CDH4: variants seen among roughly 807,000 people sequenced by gnomAD.
CDH4 encodes the protein cadherin-4.
CDH4 carries 33 observed loss-of-function variants against 86.0 expected under a neutral mutation model. The observed-to-expected ratio is 0.38, with a 90% CI of 0.29 to 0.51. The LOEUF (loss-of-function observed/expected upper bound fraction) is 0.51. Among genes scored for constraint, CDH4 ranks in the 20% least tolerant of loss-of-function variants. The pLI is 0.86. For missense variants in CDH4, 1,114 were observed against 1,307.4 expected, an observed-to-expected ratio of 0.85 and a Z score of 2.28; for synonymous variants, 555 against 549.4, an observed-to-expected ratio of 1.01 and a Z score of -0.14.
intron 2 of CDH4, among the ~76,000 whole-genome samples, chr20:61,534,400 A>G (rs2085978479): frequency 3.9e-5 from 6 of 152,190 alleles, no homozygotes; most frequent in Admixed American, 3.9e-4. Context: ...GCTGGTTTCC[A>G]TGACTATGCA....
chr20:61,645,421 G>A (rs535164938), intron 2 of CDH4, among the ~76,000 whole-genome samples: 2 of 152,238 alleles, frequency 1.3e-5, no homozygotes, highest in African/African-American at 4.8e-5. Flanking sequence ...GAGCCCAGGA[G>A]TTTGAAACCA....
intron 2 of CDH4, among the ~76,000 whole-genome samples, chr20:61,399,933 C>T (rs35172717): frequency 6.6e-6 from 1 of 152,188 alleles, no homozygotes; most frequent in Non-Finnish European, 1.5e-5. Flanking sequence ...GGCAACCAAC[C>T]CCCTGGACAG....
At chr20:61,612,821 G>A (rs926333672) in intron 2 of CDH4, among the ~76,000 whole-genome samples, 1 of 152,088 alleles carries the variant, frequency 6.6e-6, no homozygotes, top group Admixed American at 6.5e-5. Flanking sequence ...CTTGGCTTTG[G>A]CATTTGGTGT....
intron 2 of CDH4, among the ~76,000 whole-genome samples, chr20:61,351,200 A>G (rs1230791607): frequency 6.6e-6 from 1 of 151,810 alleles, no homozygotes; most frequent in East Asian, 1.9e-4. Context: ...CAGATCAGAA[A>G]TATTCGGAGG....
At chr20:61,500,167 C>T (rs1647144328) in intron 2 of CDH4, among the ~76,000 whole-genome samples, 1 of 152,168 alleles carries the variant, frequency 6.6e-6, no homozygotes, top group Non-Finnish European at 1.5e-5. Flanking sequence ...TCCCGTGTGT[C>T]AGTAACATGT....
intron 2 of CDH4, among the ~76,000 whole-genome samples, chr20:61,472,194 C>G (rs895259964): frequency 6.6e-6 from 1 of 152,068 alleles, no homozygotes; most frequent in African/African-American, 2.4e-5. Flanking sequence ...CCTTGTTGGG[C>G]GCATATGTAT....
chr20:61,587,712 G>A (rs1440676379), intron 2 of CDH4, among the ~76,000 whole-genome samples: 4 of 152,092 alleles, frequency 2.6e-5, no homozygotes, highest in African/African-American at 4.8e-5. Context: ...AAAGGCGGAC[G>A]GCCTTACAGT....
chr20:61,764,906 G>A (rs927378192), intron 3 of CDH4, among the ~76,000 whole-genome samples: 2 of 152,170 alleles, frequency 1.3e-5, no homozygotes, highest in African/African-American at 2.4e-5. Context: ...TGCTGCTGCC[G>A]CCTCCGTAAA....
At chr20:61,814,012 C>G (rs1980580007) in intron 4 of CDH4, among the ~76,000 whole-genome samples, 1 of 152,212 alleles carries the variant, frequency 6.6e-6, no homozygotes, top group African/African-American at 2.4e-5. Flanking sequence ...CATCCCCATT[C>G]CTGAGAATGC....
chr20:61,495,346 G>A (rs951091060), intron 2 of CDH4, among the ~76,000 whole-genome samples: 2 of 152,180 alleles, frequency 1.3e-5, no homozygotes, highest in South Asian at 2.1e-4. Flanking sequence ...CGAACCCCCA[G>A]GAGGAGCTGT....
chr20:61,345,913 G>A (rs536041660), intron 2 of CDH4, among the ~76,000 whole-genome samples: 4 of 152,274 alleles, frequency 2.6e-5, no homozygotes, highest in African/African-American at 7.2e-5. Context: ...TCTTCTATTC[G>A]ATCAATGTTT....
intron 2 of CDH4, among the ~76,000 whole-genome samples, chr20:61,595,271 G>A (rs575809839): frequency 2.6e-4 from 40 of 152,368 alleles, no homozygotes; most frequent in African/African-American, 8.9e-4. Flanking sequence ...TGTGACCTGT[G>A]GGCGGGAAGG....
In CDH4 at chr20:61,811,637, T is replaced by G. The variant is rs1400990899; in HGVS notation, c.577-33031T>G. Among the ~76,000 whole-genome samples the G allele has an allele frequency of 2.7e-5, 4 of 148,670 alleles. No individual in the cohort carries two copies. Among genetic ancestry groups the G allele is most frequent in the African/African-American group, 9.9e-5 (4 of 40,248 alleles). ...TGAGCCCAGCCACTGCCACCCGGGG[T>G]CACGCCCCTGCCACCCGGGGTCACG... On this transcript the variant is annotated intron_variant, in intron 4 of 15. Transcript: ENST00000614565. This position sits in a 1 kb window ranked among gnomAD's most constrained non-coding sequence, Gnocchi z 4.4.
chr20:61,587,427 G>A (rs1416763734), intron 2 of CDH4, among the ~76,000 whole-genome samples: 1 of 152,236 alleles, frequency 6.6e-6, no homozygotes, highest in African/African-American at 2.4e-5. Context: ...TTTAAAATTA[G>A]TTTCCAAATC....
intron 2 of CDH4, among the ~76,000 whole-genome samples, chr20:61,508,935 G>A (rs1426357380): frequency 2.6e-5 from 4 of 152,192 alleles, no homozygotes; most frequent in African/African-American, 9.6e-5. Flanking sequence ...CACAGCACCA[G>A]CTGCTGTGTT....
At chr20:61,855,781 G>A (rs949961757) in intron 6 of CDH4, among the ~76,000 whole-genome samples, 2 of 152,362 alleles carry the variant, frequency 1.3e-5, no homozygotes, top group Middle Eastern at 3.4e-3. Context: ...GGCACGGCCT[G>A]GCAGCCAGAG....
intron 3 of CDH4, among the ~76,000 whole-genome samples, chr20:61,744,390 GA>G (rs2088384062): frequency 4.8e-5 from 7 of 147,310 alleles, no homozygotes; most frequent in African/African-American, 1.5e-4. Flanking sequence ...GAGAAGGAGG[GA>G]GAGAGATGGA....
chr20:61,445,718 A>T (rs2085346131), intron 2 of CDH4, among the ~76,000 whole-genome samples: 1 of 152,234 alleles, frequency 6.6e-6, no homozygotes, highest in South Asian at 2.1e-4. Context: ...CTCGATTTTT[A>T]AAAAAGGAAA....
chr20:61,726,967 G>A (rs1215459388), intron 2 of CDH4, among the ~76,000 whole-genome samples: 3 of 150,600 alleles, frequency 2.0e-5, no homozygotes, highest in South Asian at 4.2e-4. Flanking sequence ...TACCATCAGT[G>A]CCATCATCGC....
Sources: gnomAD v4.1 joint callset for allele counts (sites outside exome capture counted in the v4.1 genomes callset) on GRCh38, gnomAD v4.1.1 for gene constraint, Gnocchi (gnomAD v3.1) non-coding constraint, MANE v1.5 for transcripts, NCBI Gene and HGNC (gene_info 2026-07-23, HGNC 2026-07-21) for gene names.